The following CLDN14 variants were observed in gnomAD, a reference collection of about 807,000 sequenced individuals.
CLDN14 encodes claudin-14.
Under a neutral mutation model 2.1 loss-of-function variants are expected in CLDN14, and 2 were observed. The ratio of observed to expected loss-of-function variants is 0.96; its 90% CI spans 0.39 to 3.01. CLDN14 has a LOEUF of 3.01. Ranked by LOEUF, CLDN14 falls within the 30% of genes most tolerant of loss-of-function variation. The probability of loss-of-function intolerance (pLI) is 0.09; values close to 1 mark genes in which losing one functional copy is unlikely to be tolerated. For missense variants in CLDN14, 298 were observed against 328.0 expected, an observed-to-expected ratio of 0.91 and a Z score of 0.71; for synonymous variants, 136 against 154.4, an observed-to-expected ratio of 0.88 and a Z score of 0.88.
At chr21:36,470,716 A>G (rs943582331) in intron 1 of CLDN14, among the ~76,000 whole-genome samples, 5 of 152,226 alleles carry the variant, frequency 3.3e-5, no homozygotes, top group Non-Finnish European at 1.5e-5. Flanking sequence ...GCACAGGCCT[A>G]TAATCCCAAC....
intron 2 of CLDN14, chr21:36,487,686 T>C (rs1049998014): frequency 1.3e-5 from 2 of 152,238 alleles, no homozygotes; most frequent in African/African-American, 2.4e-5. Context: ...CAGATCATAG[T>C]TGGTATGAAA....
intron 1 of CLDN14, among the ~76,000 whole-genome samples, chr21:36,465,388 T>C (rs1004064315): frequency 6.6e-6 from 1 of 152,212 alleles, no homozygotes; most frequent in African/African-American, 2.4e-5. Flanking sequence ...ACCATTAGGT[T>C]GCTATTTTTA....
upstream of CLDN14, among the ~76,000 whole-genome samples, chr21:36,484,540 C>T (rs1273470971): frequency 6.6e-6 from 1 of 152,156 alleles, no homozygotes; most frequent in African/African-American, 2.4e-5. Flanking sequence ...TCCTGGCCTC[C>T]TCCAGCTTCT....
chr21:36,574,801 A>G (rs1467158428), intron 1 of CLDN14, among the ~76,000 whole-genome samples: 1 of 152,180 alleles, frequency 6.6e-6, no homozygotes, highest in African/African-American at 2.4e-5. Flanking sequence ...CATCTTTTCC[A>G]TTTATCCTAA....
At chr21:36,557,441 C>T (rs2087606503) in intron 1 of CLDN14, among the ~76,000 whole-genome samples, 1 of 152,056 alleles carries the variant, frequency 6.6e-6, no homozygotes, top group Non-Finnish European at 1.5e-5. Context: ...TTCTCCACAT[C>T]CTTGCCAACT....
chr21:36,488,278 T>C (rs1041734038), intron 2 of CLDN14, among the ~76,000 whole-genome samples: 153 of 40,630 alleles, frequency 3.8e-3, no homozygotes, highest in African/African-American at 0.011. Context: ...TCCTTCCCTC[T>C]CTCTTTCTTT....
intron 1 of CLDN14, among the ~76,000 whole-genome samples, chr21:36,537,231 T>A (rs1469840584): frequency 6.6e-6 from 1 of 150,754 alleles, no homozygotes; most frequent in African/African-American, 2.4e-5. Flanking sequence ...CAAAAACAAA[T>A]CTGCAGAGAG....
At chr21:36,491,742 G>A (rs558547585) in intron 2 of CLDN14, among the ~76,000 whole-genome samples, 15 of 152,204 alleles carry the variant, frequency 9.9e-5, no homozygotes, top group Non-Finnish European at 1.5e-4. Flanking sequence ...GTAGGAGGCC[G>A]GGGACTACTG....
chr21:36,558,923 T>C (rs1568881340), intron 1 of CLDN14, among the ~76,000 whole-genome samples: 1 of 152,238 alleles, frequency 6.6e-6, no homozygotes, highest in East Asian at 1.9e-4. Context: ...GTTTATATAT[T>C]TTAAAGATTT....
chr21:36,530,849 A>T (rs2087374052), intron 1 of CLDN14, among the ~76,000 whole-genome samples: 1 of 152,240 alleles, frequency 6.6e-6, no homozygotes, highest in Non-Finnish European at 1.5e-5. Context: ...GCTCTAAGAC[A>T]GCCTGTTGAG....
chr21:36,509,047 T>A (rs939844887), intron 2 of CLDN14, among the ~76,000 whole-genome samples: 1 of 152,246 alleles, frequency 6.6e-6, no homozygotes, highest in African/African-American at 2.4e-5. Context: ...GTACTCAGCC[T>A]TTCCTCTAGG....
intron 2 of CLDN14, chr21:36,486,123 G>C: frequency 7.6e-7 from 1 of 1,321,314 alleles, no homozygotes; most frequent in Non-Finnish European, 1.1e-6. Context: ...AGGAACTCAG[G>C]ATCCTGCATC....
At chr21:36,553,345 G>A (rs1334589551) in intron 1 of CLDN14, among the ~76,000 whole-genome samples, 1 of 152,152 alleles carries the variant, frequency 6.6e-6, no homozygotes. Flanking sequence ...TTCAACACAG[G>A]AGGGGGCCAG....
intron 2 of CLDN14, among the ~76,000 whole-genome samples, chr21:36,488,475 T>C (rs2086923089): frequency 6.6e-6 from 1 of 152,134 alleles, no homozygotes; most frequent in Admixed American, 6.5e-5. Context: ...TTTCACCATG[T>C]TGGCCAGGAT....
intron 1 of CLDN14, among the ~76,000 whole-genome samples, chr21:36,539,654 A>G (rs1327997562): frequency 7.9e-6 from 1 of 125,808 alleles, no homozygotes; most frequent in African/African-American, 3.1e-5. Context: ...GTGTGTGTGT[A>G]GTGAGTATGT....
intron 2 of CLDN14, among the ~76,000 whole-genome samples, chr21:36,508,935 A>G (rs924839913): frequency 6.6e-6 from 1 of 152,156 alleles, no homozygotes; most frequent in Non-Finnish European, 1.5e-5. Flanking sequence ...AGGAGGCTGC[A>G]AGTTTGAGGC....
chr21:36,555,858 AGAGAGT>A (rs1376849031), intron 1 of CLDN14, among the ~76,000 whole-genome samples: 1 of 140,364 alleles, frequency 7.1e-6, no homozygotes, highest in South Asian at 2.4e-4. Flanking sequence ...TGTGAGAGAG[AGAGAGT>A]GTGTGTGTGT....
rs150743822 is a variant in CLDN14 at position 36,478,722 on chromosome 21, C to T, written c.-82+773G>A. Among the ~76,000 whole-genome samples, 281 of 152,270 alleles carry T rather than the reference C, an allele frequency of 1.8e-3. 1 individual carries two copies. The highest frequency in any genetic ancestry group is 0.013 in the South Asian group (62 of 4,828). On this transcript the variant is annotated intron_variant, in intron 1 of 1. Coordinates refer to ENST00000399135, the MANE Select transcript of CLDN14 (RefSeq NM_001146079.2). ...AAGAGATGTTTGGCTTTGAACACTG[C>T]GGGAATTAAAGCCAGCACCCAGTTA...
chr21:36,535,699 C>T (rs1326152685), intron 1 of CLDN14, among the ~76,000 whole-genome samples: 1 of 152,032 alleles, frequency 6.6e-6, no homozygotes, highest in East Asian at 1.9e-4. Flanking sequence ...GAGCAGGTGA[C>T]TTAGTTGGTT....
Sources: gnomAD v4.1 joint callset for allele counts (sites outside exome capture counted in the v4.1 genomes callset) on GRCh38, gnomAD v4.1.1 for gene constraint, MANE v1.5 for transcripts, NCBI Gene and HGNC (gene_info 2026-07-23, HGNC 2026-07-21) for gene names.